Variants in NFAT5 observed in about 807,000 individuals in gnomAD.
The protein encoded by NFAT5 is nuclear factor of activated T-cells 5.
A neutral mutation model predicts 166.5 loss-of-function variants in NFAT5; 31 were observed. The ratio of observed to expected loss-of-function variants is 0.19; its 90% CI spans 0.14 to 0.25. The LOEUF (loss-of-function observed/expected upper bound fraction) is 0.25, where lower values mean the gene tolerates loss of function less well. Among genes scored for constraint, NFAT5 ranks in the 10% least tolerant of loss-of-function variants. The probability of loss-of-function intolerance (pLI) is 1.00; values close to 1 mark genes in which losing one functional copy is unlikely to be tolerated. For missense variants in NFAT5, 1,449 were observed against 1,821.8 expected, an observed-to-expected ratio of 0.80 and a Z score of 3.72; for synonymous variants, 612 against 639.7, an observed-to-expected ratio of 0.96 and a Z score of 0.65.
At chr16:69,695,412 G>A (rs1209722912) in intron 14 of NFAT5, 33 bp downstream of exon 14, 1 of 1,456,092 alleles carries the variant, frequency 6.9e-7, no homozygotes, top group Admixed American at 1.7e-5. Flanking sequence ...TTATTGAAAA[G>A]CATCAGATTT....
chr16:69,591,555 A>T (rs1249336379), intron 2 of NFAT5, among the ~76,000 whole-genome samples: 1 of 152,136 alleles, frequency 6.6e-6, no homozygotes, highest in Non-Finnish European at 1.5e-5. Context: ...TAGCAAGATT[A>T]TCGTGAAGCT....
chr16:69,634,474 A>AT (rs1335207599), intron 3 of NFAT5, among the ~76,000 whole-genome samples: 1 of 152,200 alleles, frequency 6.6e-6, no homozygotes, highest in East Asian at 1.9e-4. Context: ...TACTTGATGG[A>AT]TTTATATTTG....
rs1458729624 is a variant in NFAT5, at chr16:69,566,775, T to C, written c.73+401T>C. On this transcript the variant is annotated intron_variant, in intron 1 of 14. Transcript: ENST00000349945. The surrounding 1 kb of genome is among the most constrained non-coding windows in gnomAD (Gnocchi z 5.7). ...GCGATCGGGGCGCCGCGTCTTCTCT[T>C]ACCGGGACCCTCCTCCCCAGCAAAG... is the stretch of plus-strand genomic sequence containing the variant. Among the ~76,000 whole-genome samples, 1 of 152,126 alleles carries C rather than the reference T, an allele frequency of 6.6e-6. No homozygotes were observed. The highest frequency in any genetic ancestry group is 1.5e-5 in the Non-Finnish European group (1 of 68,008).
At chr16:69,596,718 A>T (rs888245800) in intron 2 of NFAT5, among the ~76,000 whole-genome samples, 3 of 132,672 alleles carry the variant, frequency 2.3e-5, no homozygotes, top group Admixed American at 1.5e-4. Flanking sequence ...ACTCTATCTT[A>T]AAAAAAAAAA....
At chr16:69,685,190 ATTT>A (rs199580192) in intron 11 of NFAT5, 1,654 of 114,120 alleles carry the variant, frequency 0.014, 23 homozygotes, top group African/African-American at 0.043. Flanking sequence ...ATATATATAT[ATTT>A]TTTTTTTTAA....
intron 3 of NFAT5, among the ~76,000 whole-genome samples, chr16:69,634,484 G>A (rs2034867040): frequency 6.6e-6 from 1 of 151,952 alleles, no homozygotes; most frequent in African/African-American, 2.4e-5. Context: ...ATTTATATTT[G>A]GCATAAGTAA....
intron 2 of NFAT5, among the ~76,000 whole-genome samples, chr16:69,600,091 AGTG>A (rs1251034342): frequency 6.6e-6 from 1 of 152,026 alleles, no homozygotes; most frequent in African/African-American, 2.4e-5. Context: ...GTTGTTAAGA[AGTG>A]GTGGAATTCT....
chr16:69,572,923 A>T (rs2016526167), intron 2 of NFAT5, among the ~76,000 whole-genome samples: 1 of 152,094 alleles, frequency 6.6e-6, no homozygotes, highest in Admixed American at 6.5e-5. Context: ...GCTCACTGCA[A>T]CCTCTGCCTC....
chr16:69,597,945 GCCT>G (rs1293727297), intron 2 of NFAT5, among the ~76,000 whole-genome samples: 1 of 152,158 alleles, frequency 6.6e-6, no homozygotes, highest in Non-Finnish European at 1.5e-5. Context: ...CCCTTGCTAG[GCCT>G]TAGTAACTGT....
chr16:69,671,846 GAAGCTCACCC>G (rs2036633979), intron 9 of NFAT5, among the ~76,000 whole-genome samples: 1 of 152,198 alleles, frequency 6.6e-6, no homozygotes, highest in African/African-American at 2.4e-5. Context: ...ACCAAGCAGG[GAAGCTCACCC>G]AAGCCTTTGG....
chr16:69,679,610 G>A (rs2151691235), intron 10 of NFAT5, among the ~76,000 whole-genome samples: 1 of 151,964 alleles, frequency 6.6e-6, no homozygotes, highest in South Asian at 2.1e-4. Flanking sequence ...GTGAGACTTT[G>A]TCAATAAATA....
At chr16:69,636,556 G>A (rs183456258) in intron 3 of NFAT5, among the ~76,000 whole-genome samples, 33 of 152,290 alleles carry the variant, frequency 2.2e-4, no homozygotes, top group East Asian at 3.9e-4. Flanking sequence ...AAATCTAGGC[G>A]GAGGTTCCCA....
chr16:69,656,490 C>T (rs1365492216), intron 6 of NFAT5, among the ~76,000 whole-genome samples: 2 of 148,956 alleles, frequency 1.3e-5, no homozygotes, highest in Non-Finnish European at 3.0e-5. Flanking sequence ...CTCCGTCTGT[C>T]GCCCAGGCTG....
intron 2 of NFAT5, among the ~76,000 whole-genome samples, chr16:69,569,270 A>G (rs571090523): frequency 1.3e-5 from 2 of 152,100 alleles, no homozygotes; most frequent in East Asian, 3.9e-4. Context: ...TGGACAGCAA[A>G]GGTACTAATT....
intron 2 of NFAT5, among the ~76,000 whole-genome samples, chr16:69,580,997 A>T (rs2031648382): frequency 2.0e-5 from 3 of 152,128 alleles, no homozygotes; most frequent in African/African-American, 4.8e-5. Flanking sequence ...TATATTTCTT[A>T]AAAAAATTGA....
chr16:69,573,869 C>CTTTT (rs774086026), intron 2 of NFAT5, among the ~76,000 whole-genome samples: 2 of 111,740 alleles, frequency 1.8e-5, no homozygotes, highest in Non-Finnish European at 1.8e-5. Flanking sequence ...AAAACAGCCA[C>CTTTT]TTTTTTTTTT....
At chr16:69,589,624 A>G (rs761179367) in intron 2 of NFAT5, among the ~76,000 whole-genome samples, 1 of 152,208 alleles carries the variant, frequency 6.6e-6, no homozygotes, top group Non-Finnish European at 1.5e-5. Flanking sequence ...AAGGTTGAAT[A>G]GAAACTTCAG....
At chr16:69,680,183 T>C (rs2036999522) in intron 10 of NFAT5, among the ~76,000 whole-genome samples, 1 of 152,188 alleles carries the variant, frequency 6.6e-6, no homozygotes, top group Non-Finnish European at 1.5e-5. Context: ...TACTAAATAT[T>C]GACATTTAAT....
chr16:69,643,021 C>G (rs146597333), intron 3 of NFAT5, among the ~76,000 whole-genome samples: 238 of 151,850 alleles, frequency 1.6e-3, no homozygotes, highest in Non-Finnish European at 2.6e-3. Context: ...AGTTCGAGAC[C>G]ACCCTGGCCA....
Sources: gnomAD v4.1 joint callset for allele counts (sites outside exome capture counted in the v4.1 genomes callset) on GRCh38, gnomAD v4.1.1 for gene constraint, Gnocchi (gnomAD v3.1) non-coding constraint, MANE v1.5 for transcripts, NCBI Gene and HGNC (gene_info 2026-07-23, HGNC 2026-07-21) for gene names.